CT47B1: variants seen among roughly 807,000 people sequenced by gnomAD.
CT47B1 encodes the protein cancer/testis CT47 family, member 13.
CT47B1 carries 24 observed loss-of-function variants against 12.8 expected under a neutral mutation model. That is an observed-to-expected ratio of 1.87 (90% confidence interval 1.36 to 2.63). CT47B1 has a LOEUF of 2.63. Among genes scored for constraint, CT47B1 ranks in the 30% most tolerant of loss-of-function variants. The probability of loss-of-function intolerance (pLI) is 0.00; values close to 1 mark genes in which losing one functional copy is unlikely to be tolerated. For synonymous variants in CT47B1, 228 were observed against 133.3 expected, an observed-to-expected ratio of 1.71 and a Z score of -4.89; for missense variants, 523 against 271.3, an observed-to-expected ratio of 1.93 and a Z score of -6.52.
rs953754332 is a variant in CT47B1 at position 120,874,977 on chromosome X, C to T, written c.694G>A (p.Ala232Thr). 26 of 1,208,897 alleles carry T rather than the reference C, an allele frequency of 2.2e-5. No homozygotes were observed. The highest frequency in any genetic ancestry group is 1.9e-4 in the South Asian group (11 of 56,835). The change falls in exon 1 of 3, where the codon GCA becomes ACA. Residue 232 changes from alanine to threonine, a missense_variant. Physicochemically the swap from Ala to Thr is moderately conservative, Grantham distance 58 (BLOSUM62 0). Coordinates refer to ENST00000371311, the MANE Select transcript of CT47B1 (RefSeq NM_001145718.3). ...GCCTCCTCTGTGAGCTTCTCCTCTG[C>T]GGCCTCCTCTGGGGGTTTCTCATCT... The part of the protein sequence containing the change: ...AADEKPPEEA[A>T]EEKLTEEATE...
intron 1 of CT47B1, 51 bp downstream of exon 1, chrX:120,874,845 C>G: frequency 8.3e-7 from 1 of 1,198,404 alleles, no homozygotes; most frequent in Non-Finnish European, 1.1e-6. Context: ...TGCCCAGAGC[C>G]CTTGGACACA....
rs1225361514 is a variant in CT47B1 at position 120,875,561 on chromosome X, T to C, written c.110A>G (p.Asp37Gly). 1 of 1,190,947 alleles carries C rather than the reference T, an allele frequency of 8.4e-7. No homozygotes were observed. Among genetic ancestry groups the C allele is most frequent in the East Asian group, 3.0e-5 (1 of 33,476 alleles). Residue 37 changes from aspartate to glycine, a missense_variant, in exon 1 of 3, where the codon GAC (aspartate) becomes GGC (glycine). Transcript: ENST00000371311. ...AAGAGNQEGG[D>G]SGPDSSDMVP... ...CATGTCGCTGCTGTCGGGGCCGGAG[T>C]CGCCGCCCTCCTGGTTACCAGCTCC...
At position 120,875,437 on chromosome X, in the gene CT47B1, G is replaced by A; in HGVS notation, c.234C>T (p.Gly78=). 5.8e-6 allele frequency: 7 copies of A among 1,207,437 alleles called. No individual in the cohort carries two copies. Among genetic ancestry groups the A allele is most frequent in the South Asian group, 1.8e-5 (1 of 56,784 alleles). ...QAAGLAAVPQ[G]GSAEEDSDIG... Reference sequence around the variant, plus strand: ...TATCTGAGTCCTCCTCGGCGCTCCCGCCCTGGGGGACTGCGGCCAGGCCTG... The same window carrying A: ...TATCTGAGTCCTCCTCGGCGCTCCCACCCTGGGGGACTGCGGCCAGGCCTG... Residue 78 remains glycine (G), a synonymous_variant, in exon 1 of 3, where the codon GGC becomes GGT. Transcript: ENST00000371311.
Position 120,875,157 on chromosome X carries a change from A to G in CT47B1, c.514T>C (p.Ser172Pro), listed in dbSNP as rs1257552782. 3.2e-5 allele frequency: 39 copies of G among 1,209,428 alleles called. No homozygotes were observed. Among genetic ancestry groups the G allele is most frequent in the Non-Finnish European group, 4.1e-5 (37 of 894,503 alleles). Residue 172 changes from serine (S) to proline (P), a missense_variant, in exon 1 of 3, where the codon TCC becomes CCC. Physicochemically the swap from Ser to Pro is moderately conservative, Grantham distance 74. Transcript: ENST00000371311. ...GCAGCCCCTGCACCCAGCCTCTGGG[A>G]CAGCAGCAGCAGGGGAGGGTTGTCC... ...LWDNPPLLLL[S>P]QRLGAGAAAP...
Position 120,875,090 on chromosome X carries a change from G to T in CT47B1, c.581C>A (p.Ala194Glu). ...GEGLGLIQEA[A>E]SVQEAASVPE... ...GACCGACGCGGCCTCCTGGACCGAC[G>T]CAGCCTCCTGGATCAGGCCGAGGCC... is the stretch of plus-strand genomic sequence containing the variant. The change falls in exon 1 of 3, where the codon GCG becomes GAG. Residue 194 changes from alanine (A) to glutamate (E), a missense_variant. By Grantham distance (107) the Ala-to-Glu change is moderately radical. Transcript: ENST00000371311. The T allele has an allele frequency of 8.3e-7, 1 of 1,209,548 alleles. No homozygotes were observed. Among genetic ancestry groups the T allele is most frequent in the Non-Finnish European group, 1.1e-6 (1 of 894,587 alleles).
In CT47B1 at chrX:120,875,492, C is replaced by G. The variant is rs781486099; in HGVS notation, c.179G>C (p.Gly60Ala). 91 of 1,199,569 alleles carry G rather than the reference C, an allele frequency of 7.6e-5. No individual in the cohort carries two copies. In the Middle Eastern group the frequency reaches 9.6e-4, roughly 13 times the overall value. Residue 60 changes from glycine to alanine, a missense_variant, in exon 1 of 3, where the codon GGC (glycine) becomes GCC (alanine). By Grantham distance (60) the Gly-to-Ala change is moderately conservative. Coordinates refer to ENST00000371311, the MANE Select transcript of CT47B1 (RefSeq NM_001145718.3). Reference sequence around the variant, plus strand: ...CTGCTCACCCTCCTCCTCCCCGAGGCCTTCCACGGGCCCTGCGACTCCGAC... The same window carrying G: ...CTGCTCACCCTCCTCCTCCCCGAGGGCTTCCACGGGCCCTGCGACTCCGAC... ...EVVGVAGPVE[G>A]LGEEEGEQAA...
In CT47B1 at chrX:120,875,344, C is replaced by G. The variant is rs780915168; in HGVS notation, c.327G>C (p.Ala109=). ...EGNEAANFDL[A]VATRRYPAAG... is the part of the protein sequence containing the mutation. ...CCGCCGGGTACCGACGGGTGGCCAC[C>G]GCCAAGTCGAAGTTGGCCGCCTCGT... Residue 109 remains alanine (A), a synonymous_variant, in exon 1 of 3, where the codon GCG becomes GCC. Coordinates refer to ENST00000371311, the MANE Select transcript of CT47B1 (RefSeq NM_001145718.3). 7 of 1,209,389 alleles carry G rather than the reference C, an allele frequency of 5.8e-6. No individual in the cohort carries two copies. The highest frequency in any genetic ancestry group is 5.2e-5 in the African/African-American group (3 of 57,580).
rs775590271 is a variant in CT47B1, at chrX:120,875,074, G to A, written c.597C>T (p.Ala199=). The change falls in exon 1 of 3, where the codon GCC becomes GCT. Residue 199 remains alanine, a synonymous_variant. Coordinates refer to ENST00000371311, the MANE Select transcript of CT47B1 (RefSeq NM_001145718.3). The part of the protein sequence containing the change: ...LIQEAASVQE[A]ASVPEPAVPA... ...GCACTGCAGGCTCTGGGACCGACGCGGCCTCCTGGACCGACGCAGCCTCCT... is the reference window on the plus strand; with the variant it reads ...GCACTGCAGGCTCTGGGACCGACGCAGCCTCCTGGACCGACGCAGCCTCCT... 156 of 1,207,836 alleles carry A rather than the reference G, an allele frequency of 1.3e-4. No homozygotes were observed. The highest frequency in any genetic ancestry group is 1.2e-4 in the African/African-American group (7 of 57,181).
Position 120,875,577 on chromosome X carries a change from T to A in CT47B1, c.94A>T (p.Asn32Tyr), listed in dbSNP as rs750864974. 4.5e-5 allele frequency: 53 copies of A among 1,185,822 alleles called. No individual in the cohort carries two copies. The highest frequency in any genetic ancestry group is 5.8e-5 in the Non-Finnish European group (52 of 890,981). ...GGGCCGGAGTCGCCGCCCTCCTGGT[T>A]ACCAGCTCCGGCCGCCTCGGCCTGT... ...GAQAEAAGAG[N>Y]QEGGDSGPDS... Residue 32 changes from asparagine (N) to tyrosine (Y), a missense_variant, in exon 1 of 3, where the codon AAC becomes TAC. Asn to Tyr is a moderately radical substitution (Grantham distance 143). Transcript: ENST00000371311.
Position 120,875,680 on chromosome X carries a change from A to G in CT47B1, c.-10T>C. 1 of 810,174 alleles carries G rather than the reference A, an allele frequency of 1.2e-6. No individual in the cohort carries two copies. The highest frequency in any genetic ancestry group is 1.7e-6 in the Non-Finnish European group (1 of 602,408). 66.8% of individuals were successfully genotyped at this position (810,174 alleles called of 1,213,427 possible). A position where few individuals can be genotyped will look rare whatever the true frequency, so the allele number is the denominator to read the frequency against. On this transcript the variant is annotated 5_prime_UTR_variant, in exon 1 of 3. Coordinates refer to ENST00000371311, the MANE Select transcript of CT47B1 (RefSeq NM_001145718.3). The stretch of plus-strand genomic sequence containing the variant: ...CCCCTGTGGCAGACATGACACCAGC[A>G]GCGCCTCAACTGGGGTGGCGAGCGG...
chrX:120,874,980 C>A lies in CT47B1; in HGVS notation c.691G>T (p.Ala231Ser), dbSNP rs780065969. ...EAADEKPPEE[A>S]AEEKLTEEAT... is the part of the protein sequence containing the mutation. ...TCCTCTGTGAGCTTCTCCTCTGCGG[C>A]CTCCTCTGGGGGTTTCTCATCTGCG... Residue 231 changes from alanine (A) to serine (S), a missense_variant, in exon 1 of 3, where the codon GCC becomes TCC. Physicochemically the swap from Ala to Ser is moderately conservative, Grantham distance 99. Coordinates refer to ENST00000371311, the MANE Select transcript of CT47B1 (RefSeq NM_001145718.3). 3.3e-6 allele frequency: 4 copies of A among 1,210,379 alleles called. No individual in the cohort carries two copies. The highest frequency in any genetic ancestry group is 4.5e-6 in the Non-Finnish European group (4 of 894,829).
chrX:120,873,829 A>G, intron 2 of CT47B1, 36 bp downstream of exon 2: 2 of 905,456 alleles, frequency 2.2e-6, no homozygotes, highest in Admixed American at 6.1e-5. Context: ...AAATGCCAGG[A>G]ATAGTTGACT....
Position 120,875,266 on chromosome X carries a change from G to C in CT47B1, c.405C>G (p.Leu135=), listed in dbSNP as rs372046159. ...CTATCTGGATGTGGTCGTTGTGATA[G>C]AGGCGGCGGAGAAGGGAGTGGACCA... ...LYLVHSLLRR[L]YHNDHIQIAN... Residue 135 remains leucine, a synonymous_variant, in exon 1 of 3, where the codon CTC becomes CTG. Transcript: ENST00000371311. The C allele has an allele frequency of 7.4e-6, 9 of 1,211,389 alleles. No homozygotes were observed. The highest frequency in any genetic ancestry group is 1.0e-5 in the Non-Finnish European group (9 of 894,899).
At position 120,875,232 on chromosome X, in the gene CT47B1, G is replaced by A. The variant is rs770899948; in HGVS notation, c.439C>T (p.His147Tyr). Reference sequence around the variant, plus strand: ...GGCCCCACCATCAGGCGGCTGAGGTGACGGTTCGCTATCTGGATGTGGTCG... The same window carrying A: ...GGCCCCACCATCAGGCGGCTGAGGTAACGGTTCGCTATCTGGATGTGGTCG... ...HNDHIQIANR[H>Y]LSRLMVGPHA... The change falls in exon 1 of 3, where the codon CAC becomes TAC. Residue 147 changes from histidine (H) to tyrosine (Y), a missense_variant. Physicochemically the swap from His to Tyr is moderately conservative, Grantham distance 83. Coordinates refer to ENST00000371311, the MANE Select transcript of CT47B1 (RefSeq NM_001145718.3). 1.6e-5 allele frequency: 19 copies of A among 1,210,315 alleles called. No homozygotes were observed. In the Admixed American group the frequency reaches 1.7e-4, roughly 11 times the overall value.
chrX:120,875,166 G>T lies in CT47B1; in HGVS notation c.505C>A (p.Leu169Met). 1 of 1,211,036 alleles carries T rather than the reference G, an allele frequency of 8.3e-7. No individual in the cohort carries two copies. The highest frequency in any genetic ancestry group is 1.1e-6 in the Non-Finnish European group (1 of 894,905). Residue 169 changes from leucine (L) to methionine (M), a missense_variant, in exon 1 of 3, where the codon CTG becomes ATG. Transcript: ENST00000371311. ...GCACCCAGCCTCTGGGACAGCAGCA[G>T]CAGGGGAGGGTTGTCCCAGAGGTTG... is the stretch of plus-strand genomic sequence containing the variant. ...VPNLWDNPPLLLLSQRLGAGA... is the reference protein window; with the variant it reads ...VPNLWDNPPLMLLSQRLGAGA...
chrX:120,875,097 C>A lies in CT47B1; in HGVS notation c.574G>T (p.Glu192Ter). ...GCGGCCTCCTGGACCGACGCAGCCT[C>A]CTGGATCAGGCCGAGGCCCTCGCCT... Reference protein sequence around the residue: ...PEGEGLGLIQEAASVQEAASV... With the variant: ...PEGEGLGLIQ The change falls in exon 1 of 3, where the codon GAG becomes TAG. Residue 192 changes from glutamate to a stop codon, truncating the protein, a stop_gained. Coordinates refer to ENST00000371311, the MANE Select transcript of CT47B1 (RefSeq NM_001145718.3). LOFTEE classifies it high-confidence loss of function. 2.5e-6 allele frequency: 3 copies of A among 1,209,924 alleles called. No individual in the cohort carries two copies. Among genetic ancestry groups the A allele is most frequent in the Non-Finnish European group, 3.4e-6 (3 of 894,678 alleles).
In CT47B1 at chrX:120,875,428, G is replaced by A. The variant is rs190002464; in HGVS notation, c.243C>T (p.Ala81=). The change falls in exon 1 of 3, where the codon GCC becomes GCT. Residue 81 remains alanine, a synonymous_variant. Coordinates refer to ENST00000371311, the MANE Select transcript of CT47B1 (RefSeq NM_001145718.3). ...CGGGCCCGATATCTGAGTCCTCCTC[G>A]GCGCTCCCGCCCTGGGGGACTGCGG... The part of the protein sequence containing the change: ...GLAAVPQGGS[A]EEDSDIGPAT... The A allele has an allele frequency of 1.9e-4, 230 of 1,206,434 alleles. No individual in the cohort carries two copies. The East Asian group carries it at 5.6e-3, about 30-fold the overall frequency.
chrX:120,874,230 A>G (rs1923849648), intron 1 of CT47B1, among the ~76,000 whole-genome samples: 1 of 99,985 alleles, frequency 1.0e-5, no homozygotes, highest in Non-Finnish European at 2.0e-5. Flanking sequence ...CCACAGGGAC[A>G]CTGTATTTCC....
At position 120,875,744 on chromosome X, in the gene CT47B1, G is replaced by A. The variant is rs1214971192; in HGVS notation, c.-74C>T. ...CGGTGAAGACGGTGACCACTGAGGT[G>A]GCTACGGCCGAGGGGAGGCGAGGAG... On this transcript the variant is annotated 5_prime_UTR_variant, in exon 1 of 3. Transcript: ENST00000371311. The A allele has an allele frequency of 7.9e-6, 4 of 505,683 alleles. No individual in the cohort carries two copies. Among genetic ancestry groups the A allele is most frequent in the African/African-American group, 3.5e-5 (1 of 28,404 alleles). 41.7% of individuals were successfully genotyped at this position (505,683 alleles called of 1,213,427 possible).
Sources: allele counts gnomAD v4.1 joint callset (sites outside exome capture counted in the v4.1 genomes callset), GRCh38; gene constraint gnomAD v4.1.1; transcripts MANE v1.5; gene names NCBI Gene and HGNC (gene_info 2026-07-23, HGNC 2026-07-21).